Variants in CHIC2 observed in about 807,000 individuals in gnomAD.
CHIC2 encodes the protein cysteine-rich hydrophobic domain-containing protein 2.
A neutral mutation model predicts 25.9 loss-of-function variants in CHIC2; 14 were observed. That is an observed-to-expected ratio of 0.54 (90% CI 0.36 to 0.85). The LOEUF (loss-of-function observed/expected upper bound fraction) is 0.85. CHIC2 is among the 40% of genes least tolerant of loss of function. CHIC2 has a pLI of 0.01. For synonymous variants in CHIC2, 70 were observed against 72.0 expected, an observed-to-expected ratio of 0.97 and a Z score of 0.14; for missense variants, 146 against 202.0, an observed-to-expected ratio of 0.72 and a Z score of 1.68.
At chr4:54,036,292 C>T (rs1716381414) in intron 3 of CHIC2, among the ~76,000 whole-genome samples, 1 of 152,096 alleles carries the variant, frequency 6.6e-6, no homozygotes, top group Non-Finnish European at 1.5e-5. Context: ...TTAGGCTGTT[C>T]TTGCATTGCT....
intron 3 of CHIC2, among the ~76,000 whole-genome samples, chr4:54,030,309 G>C (rs1021032829): frequency 2.6e-5 from 4 of 152,076 alleles, no homozygotes; most frequent in South Asian, 2.1e-4. Flanking sequence ...CTTGAACCCA[G>C]GAGTTAAAGA....
intron 3 of CHIC2, among the ~76,000 whole-genome samples, chr4:54,042,033 A>G (rs1340618544): frequency 6.6e-6 from 1 of 152,092 alleles, no homozygotes; most frequent in Non-Finnish European, 1.5e-5. Context: ...AAGGAAAAAA[A>G]AATCCAAATT....
At chr4:54,020,199 A>G (rs925812617) in intron 3 of CHIC2, among the ~76,000 whole-genome samples, 5 of 152,078 alleles carry the variant, frequency 3.3e-5, no homozygotes, top group African/African-American at 1.2e-4. Flanking sequence ...AACTGATGAT[A>G]CTCCACCACT....
At chr4:54,019,942 A>C (rs1577964118) in intron 3 of CHIC2, among the ~76,000 whole-genome samples, 1 of 152,288 alleles carries the variant, frequency 6.6e-6, no homozygotes, top group Middle Eastern at 3.4e-3. Flanking sequence ...TAATAAATAT[A>C]GTTTCAACTG....
upstream of CHIC2, chr4:54,065,217 T>C (rs973527655): frequency 3.1e-6 from 2 of 646,194 alleles, no homozygotes; most frequent in African/African-American, 4.0e-5. Context: ...TAATCCAATA[T>C]ATGAGGCCAG....
At chr4:54,025,210 G>T (rs1421631179) in intron 3 of CHIC2, among the ~76,000 whole-genome samples, 1 of 152,164 alleles carries the variant, frequency 6.6e-6, no homozygotes, top group Non-Finnish European at 1.5e-5. Context: ...ATCCACAAAA[G>T]AAGTGAAAAT....
In CHIC2 at chr4:54,029,226, A is replaced by C. The variant is rs115505865; in HGVS notation, c.331-15107T>G. ...CTGATTTAAATACAAACCATAACTCAAGTTTGTTTCTCTAAATTTACTGGA... is the reference window on the plus strand; with the variant it reads ...CTGATTTAAATACAAACCATAACTCCAGTTTGTTTCTCTAAATTTACTGGA... On this transcript the variant is annotated intron_variant, in intron 3 of 5. Coordinates refer to ENST00000263921, the MANE Select transcript of CHIC2 (RefSeq NM_012110.4). 8.4e-3 allele frequency among the ~76,000 whole-genome samples: 1,279 copies of C among 152,274 alleles called. 9 individuals are homozygous for C. Among genetic ancestry groups the C allele is most frequent in the Non-Finnish European group, 0.014 (947 of 68,020 alleles).
chr4:54,046,536 C>G (rs1001806339), intron 3 of CHIC2, among the ~76,000 whole-genome samples: 1 of 152,104 alleles, frequency 6.6e-6, no homozygotes, highest in Non-Finnish European at 1.5e-5. Context: ...CTGACAAAAA[C>G]AAGAAATGGG....
chr4:54,078,189 C>A, the CHIC2 span, among the ~76,000 whole-genome samples: 3 of 152,108 alleles, frequency 2.0e-5, no homozygotes, highest in African/African-American at 7.2e-5. Context: ...AGGACCCTAC[C>A]CTCATGTATA....
chr4:54,063,872 C>A (rs1437813380), intron 1 of CHIC2, among the ~76,000 whole-genome samples: 1 of 152,216 alleles, frequency 6.6e-6, no homozygotes, highest in Non-Finnish European at 1.5e-5. Context: ...TGTCAATACA[C>A]GTACTTCCAC....
chr4:54,009,954 T>TA lies in CHIC2; in HGVS notation c.*140dup, dbSNP rs34881525. ...TGCACACTTAGAACATGCGGTTATTTAAAAAAAAAACAAAAACAAAAACAA... is the reference window on the plus strand; with the variant it reads ...TGCACACTTAGAACATGCGGTTATTTAAAAAAAAAAACAAAAACAAAAACAA... On this transcript the variant is annotated 3_prime_UTR_variant, in exon 6 of 6. Coordinates refer to ENST00000263921, the MANE Select transcript of CHIC2 (RefSeq NM_012110.4). 0.11 allele frequency: 42,540 copies of TA among 380,378 alleles called. 40 individuals are homozygous for TA. The highest frequency in any genetic ancestry group is 0.19 in the East Asian group (3,954 of 21,358). The allele number at this position is 380,378 out of a possible 1,614,324, so 23.6% of individuals were successfully genotyped here. A position where few individuals can be genotyped will look rare whatever the true frequency, so the allele number is the denominator to read the frequency against.
intron 3 of CHIC2, among the ~76,000 whole-genome samples, chr4:54,038,930 T>A (rs1716482775): frequency 1.3e-5 from 2 of 152,132 alleles, no homozygotes; most frequent in South Asian, 2.1e-4. Context: ...GACATACAAA[T>A]CAATAGAACA....
chr4:54,036,809 A>G (rs1217564686), intron 3 of CHIC2, among the ~76,000 whole-genome samples: 1 of 133,402 alleles, frequency 7.5e-6, no homozygotes, highest in Non-Finnish European at 1.6e-5. Context: ...AAGAAAGGAA[A>G]GGAAGCTAAA....
chr4:54,081,303 T>C, the CHIC2 span, among the ~76,000 whole-genome samples: 1 of 151,936 alleles, frequency 6.6e-6, no homozygotes, highest in East Asian at 1.9e-4. Context: ...AATTACTTCT[T>C]TGAATCTTTG....
chr4:54,037,202 A>G (rs1461626314), intron 3 of CHIC2, among the ~76,000 whole-genome samples: 1 of 151,906 alleles, frequency 6.6e-6, no homozygotes, highest in Non-Finnish European at 1.5e-5. Context: ...TACAAAAATT[A>G]GCCAGGAGTG....
At chr4:54,082,371 G>A in the CHIC2 span, among the ~76,000 whole-genome samples, 1 of 152,204 alleles carries the variant, frequency 6.6e-6, no homozygotes, top group South Asian at 2.1e-4. Flanking sequence ...ACATCTGGCT[G>A]CTCCACTGTA....
chr4:54,042,577 G>C (rs1716611887), intron 3 of CHIC2, among the ~76,000 whole-genome samples: 1 of 152,066 alleles, frequency 6.6e-6, no homozygotes, highest in African/African-American at 2.4e-5. Context: ...AAACTCTTAG[G>C]ATTTTCTGGG....
At chr4:54,061,295 G>T (rs1215897589) in intron 1 of CHIC2, 1 of 152,052 alleles carries the variant, frequency 6.6e-6, no homozygotes, top group Non-Finnish European at 1.5e-5. Flanking sequence ...ATCACGTCAC[G>T]TGAGAATACC....
intron 3 of CHIC2, among the ~76,000 whole-genome samples, chr4:54,047,486 C>T (rs1716867542): frequency 6.6e-6 from 1 of 151,966 alleles, no homozygotes; most frequent in South Asian, 2.1e-4. Flanking sequence ...AGGATGAGTT[C>T]ATGTCCTTTG....
Sources: gnomAD v4.1 joint callset for allele counts (sites outside exome capture counted in the v4.1 genomes callset) on GRCh38, gnomAD v4.1.1 for gene constraint, MANE v1.5 for transcripts, NCBI Gene and HGNC (gene_info 2026-07-23, HGNC 2026-07-21) for gene names.